FRAS1: variants seen among roughly 807,000 people sequenced by gnomAD.
FRAS1 encodes extracellular matrix organizing protein FRAS1.
A neutral mutation model predicts 435.2 loss-of-function variants in FRAS1; 290 were observed. That is an observed-to-expected ratio of 0.67 (90% CI 0.61 to 0.73). The LOEUF (loss-of-function observed/expected upper bound fraction) is 0.73. Among genes scored for constraint, FRAS1 ranks in the 30% least tolerant of loss-of-function variants. The pLI, the probability that FRAS1 is intolerant of heterozygous loss-of-function variation, is 0.00. For synonymous variants in FRAS1, 1,800 were observed against 1,851.0 expected, an observed-to-expected ratio of 0.97 and a Z score of 0.71; for missense variants, 4,860 against 5,001.5, an observed-to-expected ratio of 0.97 and a Z score of 0.85.
intron 37 of FRAS1, 59 bp from the exon 38 acceptor site, chr4:78,432,298 A>T (rs946511083): frequency 6.7e-7 from 1 of 1,501,886 alleles, no homozygotes; most frequent in African/African-American, 1.4e-5. Flanking sequence ...AAGGTGCTAT[A>T]TAATGAAAAG....
intron 18 of FRAS1, among the ~76,000 whole-genome samples, chr4:78,330,574 A>G (rs1729905683): frequency 6.6e-6 from 1 of 151,288 alleles, no homozygotes; most frequent in Admixed American, 6.5e-5. Context: ...GGGAAAGAGA[A>G]TGCGCGCCTG....
chr4:78,113,077 G>T (rs972246721), intron 2 of FRAS1, among the ~76,000 whole-genome samples: 7 of 152,108 alleles, frequency 4.6e-5, no homozygotes, highest in African/African-American at 1.7e-4. Context: ...AACATGCGGT[G>T]TTTGGTTTTT....
At chr4:78,472,430 C>A in intron 52 of FRAS1, 100 bp downstream of exon 52, 1 of 1,019,024 alleles carries the variant, frequency 9.8e-7, no homozygotes, top group Non-Finnish European at 1.4e-6. Flanking sequence ...GCTACTTATG[C>A]CCAAGTAACC....
chr4:78,265,364 C>T (rs1349828402), intron 7 of FRAS1, among the ~76,000 whole-genome samples: 1 of 152,118 alleles, frequency 6.6e-6, no homozygotes, highest in Non-Finnish European at 1.5e-5. Flanking sequence ...TTACTGTTCA[C>T]ATGTCTTGAG....
At chr4:78,225,284 T>C (rs1724222288) in intron 2 of FRAS1, among the ~76,000 whole-genome samples, 2 of 152,178 alleles carry the variant, frequency 1.3e-5, no homozygotes, top group Admixed American at 6.5e-5. Flanking sequence ...TTGCTTATGG[T>C]TCTGGAATTG....
At chr4:78,309,880 A>G (rs1172064538) in intron 15 of FRAS1, among the ~76,000 whole-genome samples, 1 of 152,146 alleles carries the variant, frequency 6.6e-6, no homozygotes, top group African/African-American at 2.4e-5. Flanking sequence ...TAAGTCCACC[A>G]AATCAATAAA....
intron 20 of FRAS1, among the ~76,000 whole-genome samples, chr4:78,346,271 T>G (rs1269250452): frequency 6.6e-6 from 1 of 152,256 alleles, no homozygotes; most frequent in Admixed American, 6.5e-5. Context: ...AACTCATGTT[T>G]ATTGAACACT....
chr4:78,231,005 A>G (rs1324094457), intron 2 of FRAS1, among the ~76,000 whole-genome samples: 2 of 152,074 alleles, frequency 1.3e-5, no homozygotes, highest in Non-Finnish European at 2.9e-5. Flanking sequence ...CCGGTGCTGG[A>G]GTGCAGTGGC....
At chr4:78,388,606 T>C (rs1732320115) in intron 29 of FRAS1, among the ~76,000 whole-genome samples, 1 of 151,106 alleles carries the variant, frequency 6.6e-6, no homozygotes, top group African/African-American at 2.4e-5. Flanking sequence ...GAGACCAGCG[T>C]GAGCAACGTG....
chr4:78,511,013 A>G (rs570399108), intron 63 of FRAS1, among the ~76,000 whole-genome samples: 11 of 152,328 alleles, frequency 7.2e-5, no homozygotes, highest in African/African-American at 2.4e-4. Flanking sequence ...AATGGAAATC[A>G]TTCATCTATG....
intron 18 of FRAS1, chr4:78,319,319 C>T (rs345511): frequency 0.73 from 349,094 of 477,046 alleles, 130,209 homozygotes; most frequent in African/African-American, 0.91. Flanking sequence ...ATTTATTATT[C>T]CTTCTAATTT....
chr4:78,118,459 C>T (rs1381871445), intron 2 of FRAS1, among the ~76,000 whole-genome samples: 2 of 151,998 alleles, frequency 1.3e-5, no homozygotes, highest in Admixed American at 6.5e-5. Context: ...GGCAGGCCTC[C>T]TTGAGCTGCA....
chr4:78,409,181 G>C (rs578145348), intron 31 of FRAS1, among the ~76,000 whole-genome samples: 1 of 149,460 alleles, frequency 6.7e-6, no homozygotes, highest in African/African-American at 2.4e-5. Flanking sequence ...ATGTTCTCTG[G>C]CTATTATAAA....
At chr4:78,478,355 C>A (rs1021518565) in intron 55 of FRAS1, among the ~76,000 whole-genome samples, 3 of 152,176 alleles carry the variant, frequency 2.0e-5, no homozygotes, top group African/African-American at 7.2e-5. Flanking sequence ...TATTCTTAAT[C>A]AATCACCCAA....
intron 2 of FRAS1, among the ~76,000 whole-genome samples, chr4:78,128,323 G>A (rs1487965105): frequency 5.9e-5 from 9 of 152,094 alleles, no homozygotes; most frequent in Admixed American, 2.0e-4. Context: ...CTGAGGAATC[G>A]CCACACTGAC....
intron 13 of FRAS1, among the ~76,000 whole-genome samples, chr4:78,285,289 G>A (rs1176483751): frequency 4.0e-5 from 6 of 151,294 alleles, no homozygotes; most frequent in African/African-American, 1.5e-4. Flanking sequence ...GAACCCTGGA[G>A]GTGGAGGTTG....
rs907664912 is a variant in FRAS1 at position 78,411,173 on chromosome 4, C to T, written c.4309-1796C>T. On this transcript the variant is annotated intron_variant, in intron 31 of 73. Transcript: ENST00000512123. ...TTGCCCAGGCTGGAGTACAGTGGTGCGATCTTGGCTCACTGCAACCTCCAC... is the reference window on the plus strand; with the variant it reads ...TTGCCCAGGCTGGAGTACAGTGGTGTGATCTTGGCTCACTGCAACCTCCAC... Among the ~76,000 whole-genome samples, 14 of 144,498 alleles carry T rather than the reference C, an allele frequency of 9.7e-5. No homozygotes were observed. In the South Asian group the frequency reaches 1.3e-3, roughly 13 times the overall value. 94.8% of individuals were successfully genotyped at this position (144,498 alleles called of 152,430 possible).
chr4:78,215,134 A>T (rs1242760529), intron 2 of FRAS1, among the ~76,000 whole-genome samples: 1 of 152,120 alleles, frequency 6.6e-6, no homozygotes, highest in East Asian at 1.9e-4. Context: ...TGTTTGTTTT[A>T]AAAAAATTTT....
At chr4:78,355,531 A>G (rs1730816595) in intron 20 of FRAS1, among the ~76,000 whole-genome samples, 1 of 152,152 alleles carries the variant, frequency 6.6e-6, no homozygotes, top group Non-Finnish European at 1.5e-5. Context: ...CACGCTCCCT[A>G]TTTAAACATA....
Sources: gnomAD v4.1 joint callset for allele counts (sites outside exome capture counted in the v4.1 genomes callset) on GRCh38, gnomAD v4.1.1 for gene constraint, MANE v1.5 for transcripts, NCBI Gene and HGNC (gene_info 2026-07-23, HGNC 2026-07-21) for gene names.